Variants in SPOCK1 observed in about 807,000 individuals in gnomAD.
SPOCK1 encodes the protein testican-1.
SPOCK1 carries 23 observed loss-of-function variants against 55.3 expected under a neutral mutation model. The ratio of observed to expected loss-of-function variants is 0.42; its 90% CI spans 0.30 to 0.59. The LOEUF (loss-of-function observed/expected upper bound fraction) is 0.59. Among genes scored for constraint, SPOCK1 ranks in the 20% least tolerant of loss-of-function variants. SPOCK1 has a pLI of 0.22. For synonymous variants in SPOCK1, 226 were observed against 221.0 expected, an observed-to-expected ratio of 1.02 and a Z score of -0.20; for missense variants, 499 against 552.5, an observed-to-expected ratio of 0.90 and a Z score of 0.97.
intron 3 of SPOCK1, among the ~76,000 whole-genome samples, chr5:137,255,274 T>C (rs1756611466): frequency 6.6e-6 from 1 of 152,178 alleles, no homozygotes; most frequent in African/African-American, 2.4e-5. Flanking sequence ...TGAATACCTG[T>C]ATTTCTCCTG....
chr5:136,979,412 C>T lies in SPOCK1; in HGVS notation c.1049G>A (p.Gly350Asp). The T allele has an allele frequency of 6.2e-7, 1 of 1,614,138 alleles. No homozygotes were observed. Among genetic ancestry groups the T allele is most frequent in the Non-Finnish European group, 8.5e-7 (1 of 1,179,988 alleles). Residue 350 changes from glycine (G) to aspartate (D), a missense_variant, in exon 10 of 11, where the codon GGC becomes GAC. Gly to Asp is a moderately conservative substitution (Grantham distance 94). Around this residue, in one of 3 missense-constraint regions of SPOCK1, gnomAD observed 30 missense variants for 64.4 expected, o/e 0.47. Transcript: ENST00000394945. ...CACACACCAGCACTGCCCCGTGCTG[C>T]CGTGGCACTGTGTGGCTTTGTAATA... ...EGYYKATQCH[G>D]STGQCWCVDK...
chr5:137,138,590 T>C (rs1320043918), intron 4 of SPOCK1, among the ~76,000 whole-genome samples: 1 of 151,800 alleles, frequency 6.6e-6, no homozygotes, highest in Non-Finnish European at 1.5e-5. Context: ...TATTTTTAAT[T>C]CATATGGCCA....
chr5:137,244,278 T>C (rs1756353157), intron 3 of SPOCK1, among the ~76,000 whole-genome samples: 1 of 152,148 alleles, frequency 6.6e-6, no homozygotes, highest in Non-Finnish European at 1.5e-5. Flanking sequence ...ACCTCCAAAA[T>C]TCAACGTGTA....
intron 3 of SPOCK1, among the ~76,000 whole-genome samples, chr5:137,217,169 A>G (rs1755732731): frequency 6.6e-6 from 1 of 152,222 alleles, no homozygotes; most frequent in Non-Finnish European, 1.5e-5. Context: ...CATGTACTGG[A>G]GTCTCTTTTC....
intron 3 of SPOCK1, among the ~76,000 whole-genome samples, chr5:137,190,203 T>C (rs1317607181): frequency 6.6e-6 from 1 of 152,178 alleles, no homozygotes; most frequent in East Asian, 1.9e-4. Flanking sequence ...GATTGACTAA[T>C]TTTGAAAGAA....
intron 2 of SPOCK1, among the ~76,000 whole-genome samples, chr5:137,443,778 T>C (rs1257235877): frequency 6.6e-6 from 1 of 152,214 alleles, no homozygotes; most frequent in African/African-American, 2.4e-5. Context: ...ACTGCTTTGC[T>C]CAGGCCTTTC....
chr5:137,290,491 C>T (rs1580849408), intron 2 of SPOCK1, among the ~76,000 whole-genome samples: 1 of 152,126 alleles, frequency 6.6e-6, no homozygotes, highest in South Asian at 2.1e-4. Context: ...GGAGCATGAG[C>T]GAGGCTTTTG....
chr5:137,119,014 A>T (rs753651250), intron 4 of SPOCK1, among the ~76,000 whole-genome samples: 1 of 152,120 alleles, frequency 6.6e-6, no homozygotes, highest in Non-Finnish European at 1.5e-5. Flanking sequence ...GCTATTAATA[A>T]ACCCATTTTA....
chr5:137,480,293 T>G (rs1377463127), intron 2 of SPOCK1, among the ~76,000 whole-genome samples: 3 of 141,140 alleles, frequency 2.1e-5, no homozygotes, highest in Non-Finnish European at 4.5e-5. Context: ...GCTGTTCACG[T>G]TGCTCTCCTT....
At chr5:137,132,231 T>C (rs1180767461) in intron 4 of SPOCK1, among the ~76,000 whole-genome samples, 2 of 146,820 alleles carry the variant, frequency 1.4e-5, no homozygotes, top group African/African-American at 5.1e-5. Context: ...GTACTCAAGA[T>C]GGGCAATTTA....
intron 2 of SPOCK1, among the ~76,000 whole-genome samples, chr5:137,374,161 T>C (rs1302222765): frequency 6.6e-6 from 1 of 152,272 alleles, no homozygotes; most frequent in African/African-American, 2.4e-5. Flanking sequence ...TAATAACTAA[T>C]CCTTCCAGCA....
At chr5:137,296,676 G>A (rs925203794) in intron 2 of SPOCK1, among the ~76,000 whole-genome samples, 1 of 152,192 alleles carries the variant, frequency 6.6e-6, no homozygotes, top group Non-Finnish European at 1.5e-5. Context: ...TCACAGTTTA[G>A]GGCTTTCCTC....
At chr5:137,449,891 A>C in intron 2 of SPOCK1, among the ~76,000 whole-genome samples, 1 of 11,092 alleles carries the variant, frequency 9.0e-5, no homozygotes, top group East Asian at 1.6e-3. Context: ...TGTCTCAAAA[A>C]AAAAAAAAAA....
At chr5:137,113,637 A>C (rs1388432527) in intron 4 of SPOCK1, among the ~76,000 whole-genome samples, 1 of 152,212 alleles carries the variant, frequency 6.6e-6, no homozygotes, top group East Asian at 1.9e-4. Flanking sequence ...GGATATTATG[A>C]AGATTAAATG....
Position 137,230,667 on chromosome 5 carries a change from G to A in SPOCK1, c.232+36343C>T, listed in dbSNP as rs908982992. 2.6e-5 allele frequency among the ~76,000 whole-genome samples: 4 copies of A among 152,160 alleles called. No individual in the cohort carries two copies. In the South Asian group the frequency reaches 8.3e-4, roughly 32 times the overall value. ...ATCCTTTTCTGAAAATATTATAATAGGACCTGTTTGATCATTTTGAATACT... is the reference window on the plus strand; with the variant it reads ...ATCCTTTTCTGAAAATATTATAATAAGACCTGTTTGATCATTTTGAATACT... On this transcript the variant is annotated intron_variant, in intron 3 of 10. Coordinates refer to ENST00000394945, the MANE Select transcript of SPOCK1 (RefSeq NM_004598.4).
intron 2 of SPOCK1, among the ~76,000 whole-genome samples, chr5:137,300,371 C>T (rs1014460319): frequency 1.3e-5 from 2 of 152,200 alleles, no homozygotes; most frequent in Non-Finnish European, 2.9e-5. Context: ...GGGTCAGTTT[C>T]ATCTAATTGT....
intron 4 of SPOCK1, among the ~76,000 whole-genome samples, chr5:137,116,379 C>G (rs1443351755): frequency 6.6e-6 from 1 of 152,120 alleles, no homozygotes; most frequent in Non-Finnish European, 1.5e-5. Context: ...TGCTGTGGCT[C>G]AACGCCTAAA....
chr5:137,429,684 C>A (rs1205255682), intron 2 of SPOCK1, among the ~76,000 whole-genome samples: 1 of 152,204 alleles, frequency 6.6e-6, no homozygotes, highest in Admixed American at 6.5e-5. Flanking sequence ...TTTGGCAGAG[C>A]TGTGGTTTAT....
chr5:137,341,064 G>C (rs1188092040), intron 2 of SPOCK1, among the ~76,000 whole-genome samples: 1 of 152,182 alleles, frequency 6.6e-6, no homozygotes, highest in Non-Finnish European at 1.5e-5. Flanking sequence ...CAACTCTGAA[G>C]TCAACATGCA....
Sources: gnomAD v4.1 joint callset for allele counts (sites outside exome capture counted in the v4.1 genomes callset) on GRCh38, gnomAD v4.1.1 for gene constraint, gnomAD v4.1.1 regional missense constraint, MANE v1.5 for transcripts, NCBI Gene and HGNC (gene_info 2026-07-23, HGNC 2026-07-21) for gene names.